Variants in TMEM33 observed in about 807,000 individuals in gnomAD.
TMEM33 encodes the protein transmembrane protein 33.
In TMEM33, 16 loss-of-function variants were observed where a neutral mutation model predicts 29.7. That is an observed-to-expected ratio of 0.54 (90% confidence interval 0.36 to 0.82). The LOEUF (loss-of-function observed/expected upper bound fraction) is 0.82, where lower values mean the gene tolerates loss of function less well. Among genes scored for constraint, TMEM33 ranks in the 40% least tolerant of loss-of-function variants. The pLI is 0.00. For synonymous variants in TMEM33, 112 were observed against 109.4 expected (o/e 1.02, Z -0.15); for missense variants, 252 against 295.3 (o/e 0.85, Z 1.08).
chr4:41,954,163 T>G lies in TMEM33; in HGVS notation c.708T>G (p.Ile236Met). The G allele has an allele frequency of 6.2e-7, 1 of 1,613,960 alleles. No individual in the cohort carries two copies. Among genetic ancestry groups the G allele is most frequent in the Non-Finnish European group, 8.5e-7 (1 of 1,179,834 alleles). ...TGAGAAGACTTTGTCTCCAGAGCAT[T>G]GCCTTTATAAGCAGATTGGCACCAA... The part of the protein sequence containing the change: ...LFVRRLCLQS[I>M]AFISRLAPTV... The change falls in exon 7 of 7, where the codon ATT (isoleucine) becomes ATG (methionine). Residue 236 changes from isoleucine to methionine, a missense_variant. Coordinates refer to ENST00000504986, the MANE Select transcript of TMEM33 (RefSeq NM_018126.3).
In TMEM33 at chr4:41,939,243, C is replaced by T; in HGVS notation, c.188C>T (p.Ala63Val). ...SFYQRALLAN[A>V]LTSALRLHQR... ...TACCAACGTGCTTTGCTGGCAAATGCTCTTACCAGTGCTCTGAGGCTGCAT... is the reference window on the plus strand; with the variant it reads ...TACCAACGTGCTTTGCTGGCAAATGTTCTTACCAGTGCTCTGAGGCTGCAT... Residue 63 changes from alanine to valine, a missense_variant, in exon 3 of 7, where the codon GCT becomes GTT. Ala to Val is a moderately conservative substitution (Grantham distance 64). Coordinates refer to ENST00000504986, the MANE Select transcript of TMEM33 (RefSeq NM_018126.3). 3 of 1,610,834 alleles carry T rather than the reference C, an allele frequency of 1.9e-6. No homozygotes were observed. The highest frequency in any genetic ancestry group is 2.5e-6 in the Non-Finnish European group (3 of 1,179,256).
chr4:41,953,782 A>G (rs1418696222), intron 6 of TMEM33: 1 of 475,200 alleles, frequency 2.1e-6, no homozygotes, highest in Non-Finnish European at 4.2e-6. Context: ...CAAAACAGTT[A>G]CAATAGTAAC....
intron 3 of TMEM33, among the ~76,000 whole-genome samples, chr4:41,941,369 T>C (rs1712532309): frequency 6.6e-6 from 1 of 152,240 alleles, no homozygotes; most frequent in African/African-American, 2.4e-5. Context: ...CGGGAAGTTA[T>C]GTAGAGATTT....
In TMEM33 at chr4:41,960,256, ATTATCC is replaced by A. The variant is rs2153128943; in HGVS notation, c.*6058_*6063del. ...TTTCCAAATTGGATCACGATAGTAA[ATTATCC>A]ATGCTGGTACCTGTGAAAGTAAGCC... On this transcript the variant is annotated 3_prime_UTR_variant, in exon 7 of 7. Transcript: ENST00000504986. 6.6e-6 allele frequency: 1 copy of A among 152,262 alleles called. No homozygotes were observed. The highest frequency in any genetic ancestry group is 2.4e-5 in the African/African-American group (1 of 41,572). The allele number at this position is 152,262 out of a possible 1,614,324, so 9.4% of individuals were successfully genotyped here.
At position 41,935,440 on chromosome 4, in the gene TMEM33, T is replaced by A; in HGVS notation, c.-45T>A. 6.3e-7 allele frequency: 1 copy of A among 1,579,286 alleles called. No homozygotes were observed. Reference sequence around the variant, plus strand: ...CGCTGACGTTTTCTCTCCCCTTTCTTCTCTCTTCGCGGTTGCGGCGTCGCA... The same window carrying A: ...CGCTGACGTTTTCTCTCCCCTTTCTACTCTCTTCGCGGTTGCGGCGTCGCA... On this transcript the variant is annotated 5_prime_UTR_variant, in exon 1 of 7. Transcript: ENST00000504986.
chr4:41,946,430 T>TA (rs1047752249), intron 5 of TMEM33, among the ~76,000 whole-genome samples: 3 of 152,224 alleles, frequency 2.0e-5, no homozygotes, highest in Non-Finnish European at 2.9e-5. Context: ...ACTTGACAGT[T>TA]ACTTCTTTCT....
intron 6 of TMEM33, among the ~76,000 whole-genome samples, chr4:41,953,340 G>A (rs980777970): frequency 2.0e-5 from 3 of 152,232 alleles, no homozygotes; most frequent in African/African-American, 4.8e-5. Flanking sequence ...TGGTTTTCCA[G>A]TGCATACAGA....
chr4:41,935,500 C>T lies in TMEM33; in HGVS notation c.16C>T (p.Pro6Ser), dbSNP rs1712180489. The T allele has an allele frequency of 3.1e-6, 5 of 1,609,958 alleles. No individual in the cohort carries two copies. The highest frequency in any genetic ancestry group is 4.2e-6 in the Non-Finnish European group (5 of 1,178,238). The change falls in exon 1 of 7, where the codon CCG (proline) becomes TCG (serine). Residue 6 changes from proline to serine, a missense_variant. By Grantham distance (74) the Pro-to-Ser change is moderately conservative (BLOSUM62 -1). Coordinates refer to ENST00000504986, the MANE Select transcript of TMEM33 (RefSeq NM_018126.3). ...GTGAGCCCCCATGGCAGATACGACC[C>T]CGAACGGCCCCCAAGGGGCGGGCGC... MADTTPNGPQGAGAVQ... is the reference protein window; with the variant it reads MADTTSNGPQGAGAVQ...
intron 1 of TMEM33, 43 bp from the exon 2 acceptor site, chr4:41,938,559 G>A (rs16853777): frequency 0.12 from 191,688 of 1,550,042 alleles, 13,584 homozygotes; most frequent in African/African-American, 0.29. Flanking sequence ...TTAAAAACAT[G>A]ATTTGCAGGC....
intron 6 of TMEM33, among the ~76,000 whole-genome samples, chr4:41,953,072 A>G (rs1258844605): frequency 6.6e-6 from 1 of 152,144 alleles, no homozygotes; most frequent in South Asian, 2.1e-4. Flanking sequence ...GGTTTTAGAG[A>G]TAGCCATTTA....
chr4:41,950,243 G>A (rs921376068), intron 6 of TMEM33, among the ~76,000 whole-genome samples: 3 of 152,112 alleles, frequency 2.0e-5, no homozygotes, highest in African/African-American at 2.4e-5. Flanking sequence ...CTGATCTCAA[G>A]CATTGGAGTA....
At chr4:41,952,348 A>G (rs1199890242) in intron 6 of TMEM33, among the ~76,000 whole-genome samples, 2 of 152,226 alleles carry the variant, frequency 1.3e-5, no homozygotes, top group Middle Eastern at 6.3e-3. Flanking sequence ...TTCTAACCAT[A>G]GAAGTAAAAC....
At position 41,956,441 on chromosome 4, in the gene TMEM33, A is replaced by C. The variant is rs1036470275; in HGVS notation, c.*2242A>C. ...GTATAAAACTTATTTGAATTTCAAC[A>C]GTTTTTTTTTCATTTCTTATTTTCC... On this transcript the variant is annotated 3_prime_UTR_variant, in exon 7 of 7. Coordinates refer to ENST00000504986, the MANE Select transcript of TMEM33 (RefSeq NM_018126.3). 1 of 151,898 alleles carries C rather than the reference A, an allele frequency of 6.6e-6. No individual in the cohort carries two copies. Among genetic ancestry groups the C allele is most frequent in the East Asian group, 1.9e-4 (1 of 5,182 alleles). The allele number at this position is 151,898 out of a possible 1,614,324, so 9.4% of individuals were successfully genotyped here. A position where few individuals can be genotyped will look rare whatever the true frequency, so the allele number is the denominator to read the frequency against.
At position 41,959,173 on chromosome 4, in the gene TMEM33, A is replaced by G. The variant is rs1713386658; in HGVS notation, c.*4974A>G. The stretch of plus-strand genomic sequence containing the variant: ...AGAGATTGTTTTAAGGAGCAGTCTT[A>G]TATTCAGGGTAGAAAGTTATGATTG... On this transcript the variant is annotated 3_prime_UTR_variant, in exon 7 of 7. Transcript: ENST00000504986. The G allele has an allele frequency of 6.6e-6, 1 of 152,222 alleles. No homozygotes were observed. The highest frequency in any genetic ancestry group is 1.5e-5 in the Non-Finnish European group (1 of 68,032). 9.4% of individuals were successfully genotyped at this position (152,222 alleles called of 1,614,324 possible). A position where few individuals can be genotyped will look rare whatever the true frequency, so the allele number is the denominator to read the frequency against.
chr4:41,947,133 G>A (rs1712831520), intron 5 of TMEM33, among the ~76,000 whole-genome samples: 1 of 151,860 alleles, frequency 6.6e-6, no homozygotes, highest in African/African-American at 2.4e-5. Context: ...CTACTCGGGA[G>A]GCTGAGGCAG....
chr4:41,960,765 G>GAA lies in TMEM33; in HGVS notation c.*6574_*6575dup, dbSNP rs34296933. On this transcript the variant is annotated 3_prime_UTR_variant, in exon 7 of 7. Coordinates refer to ENST00000504986, the MANE Select transcript of TMEM33 (RefSeq NM_018126.3). ...AAAAATGTGATCTAAGGTGTAACTG[G>GAA]AAAAAAAAAGGAAAGAAAAATTACA... Among the ~76,000 whole-genome samples, 745 of 149,956 alleles carry GAA rather than the reference G, an allele frequency of 5.0e-3. 8 individuals are homozygous for GAA. Among genetic ancestry groups the GAA allele is most frequent in the African/African-American group, 0.017 (683 of 40,918 alleles).
intron 3 of TMEM33, among the ~76,000 whole-genome samples, chr4:41,940,625 T>G (rs1560516245): frequency 6.6e-6 from 1 of 151,812 alleles, no homozygotes; most frequent in Non-Finnish European, 1.5e-5. Flanking sequence ...CTGGCTAATA[T>G]GGCGAAACCC....
chr4:41,951,121 C>G (rs560302602), intron 6 of TMEM33, among the ~76,000 whole-genome samples: 7 of 152,226 alleles, frequency 4.6e-5, no homozygotes, highest in African/African-American at 1.7e-4. Flanking sequence ...CCATTTTCAC[C>G]TACGATATTT....
Position 41,954,103 on chromosome 4 carries a change from A to G in TMEM33, c.648A>G (p.Glu216=), listed in dbSNP as rs370152292. The change falls in exon 7 of 7, where the codon GAA becomes GAG. Residue 216 remains glutamate, a synonymous_variant. Coordinates refer to ENST00000504986, the MANE Select transcript of TMEM33 (RefSeq NM_018126.3). ...TTAATGAACTGAGGATTGTTGTTGA[A>G]CACATAATAATGAAACCTGCTTGCC... is the stretch of plus-strand genomic sequence containing the variant. ...TLFNELRIVV[E]HIIMKPACPL... 9.3e-6 allele frequency: 15 copies of G among 1,613,868 alleles called. No individual in the cohort carries two copies. The highest frequency in any genetic ancestry group is 5.3e-5 in the African/African-American group (4 of 74,930).
Sources: gnomAD v4.1 joint callset for allele counts (sites outside exome capture counted in the v4.1 genomes callset) on GRCh38, gnomAD v4.1.1 for gene constraint, MANE v1.5 for transcripts, NCBI Gene and HGNC (gene_info 2026-07-23, HGNC 2026-07-21) for gene names.